DENND5B: variants seen among roughly 807,000 people sequenced by gnomAD.
The protein encoded by DENND5B is DENN domain containing 5B, also known as DENN domain-containing protein 5B.
DENND5B carries 34 observed loss-of-function variants against 140.6 expected under a neutral mutation model. The ratio of observed to expected loss-of-function variants is 0.24; its 90% confidence interval spans 0.18 to 0.32. The LOEUF is 0.32. Among genes scored for constraint, DENND5B ranks in the 10% least tolerant of loss-of-function variants. DENND5B has a pLI of 1.00. For missense variants in DENND5B, 1,142 were observed against 1,560.2 expected, an observed-to-expected ratio of 0.73 and a Z score of 4.52; for synonymous variants, 551 against 562.1, an observed-to-expected ratio of 0.98 and a Z score of 0.28.
chr12:31,478,967 A>C (rs1044562444), intron 3 of DENND5B, among the ~76,000 whole-genome samples: 6 of 152,022 alleles, frequency 3.9e-5, no homozygotes, highest in Non-Finnish European at 7.4e-5. Flanking sequence ...CCACAAAGAT[A>C]ACTTCCTTCT....
chr12:31,477,477 T>A (rs751437043), intron 3 of DENND5B: 1 of 152,236 alleles, frequency 6.6e-6, no homozygotes. Context: ...TAGCAGGCGC[T>A]CTCTCTAAAG....
rs55808642 is a variant in DENND5B, at chr12:31,405,511, CATGTATGTATGTATGT to C, written c.2804-2884_2804-2869del. Among the ~76,000 whole-genome samples, 1,406 of 144,694 alleles carry C rather than the reference CATGTATGTATGTATGT, an allele frequency of 9.7e-3. 14 individuals are homozygous for C. The highest frequency in any genetic ancestry group is 9.9e-3 in the South Asian group (43 of 4,344). 94.9% of individuals were successfully genotyped at this position (144,694 alleles called of 152,430 possible). The stretch of plus-strand genomic sequence containing the variant: ...AAGACTACCGGCATGAGCCACCTGC[CATGTATGTATGTATGT>C]ATGTATGTATGTATGTATGTATGTA... On this transcript the variant is annotated intron_variant, in intron 14 of 20. Coordinates refer to ENST00000389082, the MANE Select transcript of DENND5B (RefSeq NM_144973.4).
At position 31,540,589 on chromosome 12, in the gene DENND5B, G is replaced by A. The variant is rs1057184132; in HGVS notation, c.128-44670C>T. Among the ~76,000 whole-genome samples, 27 of 152,122 alleles carry A rather than the reference G, an allele frequency of 1.8e-4. No individual in the cohort carries two copies. In the South Asian group the frequency reaches 4.8e-3, roughly 27 times the overall value. ...GAATCGCTTGAACCTGGGAGGCAGA[G>A]GTTGTAGTGAGCCAAGACTGTGCCA... On this transcript the variant is annotated intron_variant, in intron 1 of 20. Transcript: ENST00000389082.
chr12:31,387,562 G>C lies in DENND5B; in HGVS notation c.*41C>G, dbSNP rs1254056502. 6.3e-7 allele frequency: 1 copy of C among 1,588,334 alleles called. No homozygotes were observed. Among genetic ancestry groups the C allele is most frequent in the Non-Finnish European group, 8.6e-7 (1 of 1,163,012 alleles). On this transcript the variant is annotated 3_prime_UTR_variant, in exon 21 of 21. Transcript: ENST00000389082. Reference sequence around the variant, plus strand: ...AGTCCAAATCGGTCCCCTAGTTGGGGAAGGAGCAAGGTTTGGACTGAGAGT... The same window carrying C: ...AGTCCAAATCGGTCCCCTAGTTGGGCAAGGAGCAAGGTTTGGACTGAGAGT...
intron 8 of DENND5B, chr12:31,432,245 A>T: frequency 7.8e-6 from 3 of 384,740 alleles, no homozygotes; most frequent in Non-Finnish European, 1.1e-5. Flanking sequence ...ATATGATAAA[A>T]TCACAGCAAA....
chr12:31,487,663 C>T (rs1447797995), intron 2 of DENND5B, among the ~76,000 whole-genome samples: 2 of 152,160 alleles, frequency 1.3e-5, no homozygotes, highest in South Asian at 4.1e-4. Context: ...GACTGCACCA[C>T]TGCACTCCAG....
intron 5 of DENND5B, among the ~76,000 whole-genome samples, chr12:31,448,867 A>AC (rs35735603): frequency 1.3e-5 from 2 of 152,048 alleles, no homozygotes; most frequent in Non-Finnish European, 2.9e-5. Context: ...ACAAACAAAA[A>AC]CAAATCATTG....
chr12:31,431,235 T>C (rs2137816306), intron 8 of DENND5B, among the ~76,000 whole-genome samples: 1 of 152,324 alleles, frequency 6.6e-6, no homozygotes, highest in East Asian at 1.9e-4. Flanking sequence ...TAATACAGGC[T>C]CTCCCAGAAT....
intron 1 of DENND5B, among the ~76,000 whole-genome samples, chr12:31,585,807 T>C (rs1950376580): frequency 6.6e-6 from 1 of 152,148 alleles, no homozygotes; most frequent in Non-Finnish European, 1.5e-5. Context: ...AAGCTAAAAA[T>C]AGCTAGAGAG....
chr12:31,400,730 T>C (rs1941744074), intron 15 of DENND5B, among the ~76,000 whole-genome samples: 2 of 152,234 alleles, frequency 1.3e-5, no homozygotes, highest in African/African-American at 4.8e-5. Flanking sequence ...ATACTTTTAG[T>C]TATTTTAAAA....
chr12:31,498,878 C>A (rs549166735), intron 1 of DENND5B, among the ~76,000 whole-genome samples: 1 of 147,202 alleles, frequency 6.8e-6, no homozygotes, highest in South Asian at 2.1e-4. Context: ...GAGACTGAGG[C>A]AGGAGAATCA....
At chr12:31,453,438 G>T (rs772287959) in intron 4 of DENND5B, among the ~76,000 whole-genome samples, 4 of 152,266 alleles carry the variant, frequency 2.6e-5, no homozygotes, top group Non-Finnish European at 5.9e-5. Flanking sequence ...TTATCCCTCA[G>T]GTATCTGTAG....
At chr12:31,491,557 GGAAAGGGAAA>G (rs1946528095) in intron 2 of DENND5B, among the ~76,000 whole-genome samples, 1 of 152,010 alleles carries the variant, frequency 6.6e-6, no homozygotes, top group African/African-American at 2.4e-5. Context: ...AGGGAGGAAG[GGAAAGGGAAA>G]GGAAAGGAAA....
intron 3 of DENND5B, among the ~76,000 whole-genome samples, chr12:31,479,362 GTTAACAC>G (rs1324947509): frequency 6.6e-6 from 1 of 152,198 alleles, no homozygotes; most frequent in Non-Finnish European, 1.5e-5. Flanking sequence ...AATCAGCCAA[GTTAACAC>G]TTGTGTTCCT....
intron 1 of DENND5B, among the ~76,000 whole-genome samples, chr12:31,570,132 T>C (rs1192093154): frequency 3.4e-5 from 5 of 145,700 alleles, no homozygotes; most frequent in African/African-American, 1.0e-4. Context: ...GAGGTGGAGG[T>C]TGCAGTGAGC....
intron 1 of DENND5B, among the ~76,000 whole-genome samples, chr12:31,581,549 G>A (rs955623386): frequency 2.6e-5 from 4 of 151,920 alleles, no homozygotes; most frequent in Admixed American, 1.3e-4. Context: ...AAAAATTAGA[G>A]GGACATGGTG....
Position 31,390,245 on chromosome 12 carries a change from T to C in DENND5B, c.3467-747A>G, listed in dbSNP as rs957089001. Among the ~76,000 whole-genome samples the C allele has an allele frequency of 2.6e-5, 4 of 152,240 alleles. No individual in the cohort carries two copies. In the South Asian group the frequency reaches 8.3e-4, roughly 31 times the overall value. ...CCTGTGATGATGAAAATGTTCTCTA[T>C]CTACAAGGTCCAATTTGGTAGCCAC... On this transcript the variant is annotated intron_variant, in intron 19 of 20. Coordinates refer to ENST00000389082, the MANE Select transcript of DENND5B (RefSeq NM_144973.4).
intron 1 of DENND5B, among the ~76,000 whole-genome samples, chr12:31,585,005 T>G (rs1354732291): frequency 6.6e-6 from 1 of 151,806 alleles, no homozygotes; most frequent in Non-Finnish European, 1.5e-5. Context: ...ACGAAGAGGG[T>G]AGGGGAGTGG....
intron 8 of DENND5B, among the ~76,000 whole-genome samples, chr12:31,429,083 A>C (rs979054659): frequency 6.6e-6 from 1 of 151,836 alleles, no homozygotes; most frequent in Non-Finnish European, 1.5e-5. Context: ...CATGTTGGTC[A>C]GGCTGGTCTC....
Sources: gnomAD v4.1 joint callset for allele counts (sites outside exome capture counted in the v4.1 genomes callset) on GRCh38, gnomAD v4.1.1 for gene constraint, MANE v1.5 for transcripts, NCBI Gene and HGNC (gene_info 2026-07-23, HGNC 2026-07-21) for gene names.